HPSE: variants seen among roughly 807,000 people sequenced by gnomAD.
HPSE encodes the protein heparanase.
In HPSE, 48 loss-of-function variants were observed where a neutral mutation model predicts 65.1. The observed-to-expected ratio is 0.74, with a 90% CI of 0.58 to 0.94. HPSE has a LOEUF of 0.94. HPSE is among the 40% of genes least tolerant of loss of function. The pLI is 0.00. For synonymous variants in HPSE, 243 were observed against 260.0 expected (o/e 0.93, Z 0.63); for missense variants, 644 against 637.5 (o/e 1.01, Z -0.11).
At chr4:83,316,548 C>T (rs1736650016) in intron 3 of HPSE, among the ~76,000 whole-genome samples, 1 of 152,040 alleles carries the variant, frequency 6.6e-6, no homozygotes, top group Non-Finnish European at 1.5e-5. Flanking sequence ...TTGGACTGTA[C>T]CATGTAAGTC....
chr4:83,320,202 C>A (rs1736832428), intron 2 of HPSE, among the ~76,000 whole-genome samples: 1 of 152,020 alleles, frequency 6.6e-6, no homozygotes, highest in Non-Finnish European at 1.5e-5. Flanking sequence ...TGGGTGGGAA[C>A]CGTTGACTTT....
intron 1 of HPSE, among the ~76,000 whole-genome samples, chr4:83,325,130 GGTGTGTGTGTGTGT>G (rs70949703): frequency 0.024 from 3,207 of 134,242 alleles, 41 homozygotes; most frequent in African/African-American, 0.037. Context: ...TATACAACTT[GGTGTGTGTGTGTGT>G]GTGTGTGTGT....
intron 1 of HPSE, among the ~76,000 whole-genome samples, chr4:83,328,834 C>A (rs1226789840): frequency 1.3e-5 from 2 of 151,962 alleles, no homozygotes; most frequent in East Asian, 3.9e-4. Flanking sequence ...GAAGAGGTGA[C>A]TGATAGAGCG....
At chr4:83,302,014 G>A (rs190411849) in intron 10 of HPSE, 136 bp downstream of exon 10, 340 of 509,038 alleles carry the variant, frequency 6.7e-4, no homozygotes, top group African/African-American at 4.9e-3. Context: ...AAATAAAATC[G>A]TTGTATAAAA....
rs1318951125 is a variant in HPSE, at chr4:83,322,378, A to G, written c.228-14T>C. 1.3e-6 allele frequency: 2 copies of G among 1,593,182 alleles called. No homozygotes were observed. Reference sequence around the variant, plus strand: ...AGCTTTGGAGAACTGTTAGGAAGACAAGCAAGAAAGTATAACTATTTTTTC... The same window carrying G: ...AGCTTTGGAGAACTGTTAGGAAGACGAGCAAGAAAGTATAACTATTTTTTC... On this transcript the variant is annotated splice_polypyrimidine_tract_variant and intron_variant, in intron 1 of 11. Coordinates refer to ENST00000311412, the MANE Select transcript of HPSE (RefSeq NM_001098540.3).
chr4:83,311,634 G>GA (rs960868416), intron 4 of HPSE, among the ~76,000 whole-genome samples: 9 of 151,618 alleles, frequency 5.9e-5, no homozygotes, highest in African/African-American at 1.2e-4. Context: ...CCAGACAAAA[G>GA]AAAAAAAATT....
intron 3 of HPSE, among the ~76,000 whole-genome samples, chr4:83,313,503 G>A (rs979754579): frequency 6.6e-6 from 1 of 152,110 alleles, no homozygotes; most frequent in African/African-American, 2.4e-5. Context: ...GAAATCCCAT[G>A]GAAGATACCA....
At chr4:83,311,366 C>T (rs899541017) in intron 4 of HPSE, among the ~76,000 whole-genome samples, 12 of 151,882 alleles carry the variant, frequency 7.9e-5, no homozygotes, top group Non-Finnish European at 1.5e-4. Flanking sequence ...TCCAGAAAAA[C>T]AAAACAAAAA....
chr4:83,334,847 C>A lies in HPSE; in HGVS notation c.-65G>T. ...CAGCGGAGAGTCGAGAGCTCTAGCACTTCCTCCCGCCGAGCCCCAGCGCCC... is the reference window on the plus strand; with the variant it reads ...CAGCGGAGAGTCGAGAGCTCTAGCAATTCCTCCCGCCGAGCCCCAGCGCCC... On this transcript the variant is annotated 5_prime_UTR_variant, in exon 1 of 12. Transcript: ENST00000311412. 6.9e-7 allele frequency: 1 copy of A among 1,443,244 alleles called. No homozygotes were observed. The highest frequency in any genetic ancestry group is 9.1e-7 in the Non-Finnish European group (1 of 1,102,368). The allele number at this position is 1,443,244 out of a possible 1,614,324, so 89.4% of individuals were successfully genotyped here. A position where few individuals can be genotyped will look rare whatever the true frequency, so the allele number is the denominator to read the frequency against.
intron 4 of HPSE, 66 bp downstream of exon 4, chr4:83,313,043 AAAAAG>A (rs1736475721): frequency 9.9e-7 from 1 of 1,006,794 alleles, no homozygotes; most frequent in Non-Finnish European, 1.4e-6. Context: ...AAAAAAAAAG[AAAAAG>A]AAAAGAAAAG....
chr4:83,331,598 A>AT lies in HPSE; in HGVS notation c.227+2957dup, dbSNP rs767030486. Among the ~76,000 whole-genome samples, 11 of 152,144 alleles carry AT rather than the reference A, an allele frequency of 7.2e-5. No homozygotes were observed. In the South Asian group the frequency reaches 1.0e-3, roughly 14 times the overall value. ...CTCTGGGAAGACGACAAATTGAAAG[A>AT]TTTTTTCTTTCAAATTTTAGATTGC... On this transcript the variant is annotated intron_variant, in intron 1 of 11. Transcript: ENST00000311412.
At chr4:83,322,578 T>C (rs1286880504) in intron 1 of HPSE, among the ~76,000 whole-genome samples, 2 of 152,044 alleles carry the variant, frequency 1.3e-5, no homozygotes, top group Non-Finnish European at 2.9e-5. Context: ...CTGCAACTTC[T>C]GCTTGCCGGG....
rs1296866243 is a variant in HPSE, at chr4:83,294,869, G to A, written c.*475C>T. On this transcript the variant is annotated 3_prime_UTR_variant, in exon 12 of 12. Coordinates refer to ENST00000311412, the MANE Select transcript of HPSE (RefSeq NM_001098540.3). ...CAGGAGTTCGAGGACAGGAGTTCGAGACCAGCTTGGCCAATATGGCGAAAC... is the reference window on the plus strand; with the variant it reads ...CAGGAGTTCGAGGACAGGAGTTCGAAACCAGCTTGGCCAATATGGCGAAAC... 6.6e-6 allele frequency: 1 copy of A among 152,232 alleles called. No homozygotes were observed. Among genetic ancestry groups the A allele is most frequent in the African/African-American group, 2.4e-5 (1 of 41,422 alleles). The allele number at this position is 152,232 out of a possible 1,614,324, so 9.4% of individuals were successfully genotyped here. A position where few individuals can be genotyped will look rare whatever the true frequency, so the allele number is the denominator to read the frequency against.
chr4:83,310,864 C>A lies in HPSE; in HGVS notation c.700G>T (p.Asp234Tyr), dbSNP rs1293803268. The change falls in exon 5 of 12, where the codon GAT becomes TAT. Residue 234 changes from aspartate (D) to tyrosine (Y), a missense_variant. Asp to Tyr is a radical substitution (Grantham distance 160). Coordinates refer to ENST00000311412, the MANE Select transcript of HPSE (RefSeq NM_001098540.3). ...NEPNSFLKKADIFINGSQLGE... is the reference protein window; with the variant it reads ...NEPNSFLKKAYIFINGSQLGE... The stretch of plus-strand genomic sequence containing the variant: ...AACTGCGACCCATTGATGAAAATAT[C>A]AGCCTTCTTAAGGAAACTGTTAGGT... 6.2e-7 allele frequency: 1 copy of A among 1,613,540 alleles called. No individual in the cohort carries two copies. The highest frequency in any genetic ancestry group is 2.2e-5 in the East Asian group (1 of 44,890).
chr4:83,316,049 CAG>C (rs1736620373), intron 3 of HPSE, among the ~76,000 whole-genome samples: 2 of 151,162 alleles, frequency 1.3e-5, no homozygotes, highest in South Asian at 4.2e-4. Context: ...TTTTTTGAGA[CAG>C]AGTATTGTTC....
chr4:83,322,258 A>C lies in HPSE; in HGVS notation c.334T>G (p.Phe112Val). Residue 112 changes from phenylalanine (F) to valine (V), a missense_variant, in exon 2 of 12, where the codon TTT becomes GTT. By Grantham distance (50) the Phe-to-Val change is conservative (BLOSUM62 -1). Coordinates refer to ENST00000311412, the MANE Select transcript of HPSE (RefSeq NM_001098540.3). ...LIFDPKKESTFEERSYWQSQV... is the reference protein window; with the variant it reads ...LIFDPKKESTVEERSYWQSQV... ...GATTGCCAGTAACTTCTCTCTTCAA[A>C]GGTTGATTCCTTCTTGGGATCGAAA... is the stretch of plus-strand genomic sequence containing the variant. 1 of 1,614,006 alleles carries C rather than the reference A, an allele frequency of 6.2e-7. No individual in the cohort carries two copies. The highest frequency in any genetic ancestry group is 8.5e-7 in the Non-Finnish European group (1 of 1,179,894).
rs576129065 is a variant in HPSE at position 83,293,161 on chromosome 4, A to C, written c.*2183T>G. On this transcript the variant is annotated 3_prime_UTR_variant, in exon 12 of 12. Transcript: ENST00000311412. ...GACTGACCAACACCCTCTCCATTCC[A>C]AAGGGTTACTCAGAGACAATTATAG... 1 of 152,310 alleles carries C rather than the reference A, an allele frequency of 6.6e-6. No homozygotes were observed. The highest frequency in any genetic ancestry group is 2.1e-4 in the South Asian group (1 of 4,824). The allele number at this position is 152,310 out of a possible 1,614,324, so 9.4% of individuals were successfully genotyped here.
intron 4 of HPSE, among the ~76,000 whole-genome samples, chr4:83,312,860 A>AAAAAAAAAAAAAAAT (rs1736457895): frequency 7.4e-6 from 1 of 134,618 alleles, no homozygotes; most frequent in Non-Finnish European, 1.6e-5. Flanking sequence ...AAAAAAAAAA[A>AAAAAAAAAAAAAAAT]AAAAAAAAAA....
chr4:83,321,467 T>C (rs572103100), intron 2 of HPSE, among the ~76,000 whole-genome samples: 1 of 152,272 alleles, frequency 6.6e-6, no homozygotes, highest in Non-Finnish European at 1.5e-5. Context: ...ATTTTCAGTA[T>C]TTTTTTCTCT....
Sources: gnomAD v4.1 joint callset for allele counts (sites outside exome capture counted in the v4.1 genomes callset) on GRCh38, gnomAD v4.1.1 for gene constraint, MANE v1.5 for transcripts, NCBI Gene and HGNC (gene_info 2026-07-23, HGNC 2026-07-21) for gene names.